Variants in PRPS1 observed in about 807,000 individuals in gnomAD.
PRPS1 encodes phosphoribosyl pyrophosphate synthetase 1.
In PRPS1, 1 loss-of-function variant was observed where a neutral mutation model predicts 16.9. The ratio of observed to expected loss-of-function variants is 0.06; its 90% confidence interval spans 0.02 to 0.28. The LOEUF (loss-of-function observed/expected upper bound fraction) is 0.28. Ranked by LOEUF, PRPS1 falls within the 10% of genes least tolerant of loss-of-function variation. PRPS1 has a pLI of 1.00. For missense variants in PRPS1, 47 were observed against 254.0 expected (o/e 0.19, Z 5.54); for synonymous variants, 70 against 90.2 (o/e 0.78, Z 1.27).
At chrX:107,642,842 G>A (rs1925605968) in intron 4 of PRPS1, among the ~76,000 whole-genome samples, 1 of 111,928 alleles carries the variant, frequency 8.9e-6, no homozygotes, top group South Asian at 3.7e-4. Flanking sequence ...CATATTGGTG[G>A]ACAAATTCGC....
intron 1 of PRPS1, 128 bp downstream of exon 1, chrX:107,628,878 G>A (rs1033302484): frequency 2.2e-5 from 21 of 958,887 alleles, no homozygotes; most frequent in Non-Finnish European, 2.8e-5. Context: ...TCTGTGACTA[G>A]CCTACCCCAC....
chrX:107,649,486 G>T (rs1371863265), intron 6 of PRPS1, among the ~76,000 whole-genome samples: 1 of 110,238 alleles, frequency 9.1e-6, no homozygotes, highest in South Asian at 3.8e-4. Flanking sequence ...ACAGAGTCTC[G>T]CTCTGTCACC....
At chrX:107,647,491 T>G in intron 5 of PRPS1, 115 bp from the exon 6 acceptor site, 2 of 855,841 alleles carry the variant, frequency 2.3e-6, no homozygotes, top group Non-Finnish European at 3.3e-6. Context: ...ATTTTTTTAT[T>G]TTTTTTCATA....
At chrX:107,637,108 A>C (rs754256062) in intron 1 of PRPS1, among the ~76,000 whole-genome samples, 1 of 112,531 alleles carries the variant, frequency 8.9e-6, no homozygotes, top group South Asian at 3.7e-4. Flanking sequence ...GATTTTTAAA[A>C]ATTTTTAAAT....
chrX:107,628,621 T>C lies in PRPS1; in HGVS notation c.-8T>C. On this transcript the variant is annotated 5_prime_UTR_variant, in exon 1 of 7. Transcript: ENST00000372435. ...CGCTTAGTGGAGTGCTTAGGGTAGT[T>C]GGCCAGGATGCCGAATATCAAAATC... The C allele has an allele frequency of 2.5e-6, 3 of 1,211,665 alleles. No individual in the cohort carries two copies. Among genetic ancestry groups the C allele is most frequent in the South Asian group, 1.8e-5 (1 of 57,003 alleles).
chrX:107,638,836 G>A (rs977173676), intron 1 of PRPS1, among the ~76,000 whole-genome samples: 2 of 111,108 alleles, frequency 1.8e-5, no homozygotes, highest in African/African-American at 6.5e-5. Flanking sequence ...GAGTTCCAGC[G>A]ATTCTCGTGC....
chrX:107,650,427 C>A lies in PRPS1; in HGVS notation c.*395C>A. On this transcript the variant is annotated 3_prime_UTR_variant, in exon 7 of 7. Transcript: ENST00000372435. ...AGCAACAAAGGCAACCCATGTGTGACCAGTTCTCCCCAAGGTCTATGCTAA... is the reference window on the plus strand; with the variant it reads ...AGCAACAAAGGCAACCCATGTGTGAACAGTTCTCCCCAAGGTCTATGCTAA... The A allele has an allele frequency of 2.6e-6, 1 of 380,230 alleles. No individual in the cohort carries two copies. The highest frequency in any genetic ancestry group is 4.8e-5 in the Admixed American group (1 of 20,783). The allele number at this position is 380,230 out of a possible 1,213,427, so 31.3% of individuals were successfully genotyped here. A position where few individuals can be genotyped will look rare whatever the true frequency, so the allele number is the denominator to read the frequency against.
rs1925760865 is a variant in PRPS1, at chrX:107,648,748, GT to G, written c.864+990del. Among the ~76,000 whole-genome samples, 3 of 109,382 alleles carry G rather than the reference GT, an allele frequency of 2.7e-5. No individual in the cohort carries two copies. In the South Asian group the frequency reaches 1.2e-3, roughly 42 times the overall value. The allele number at this position is 109,382 out of a possible 115,157, so 95.0% of individuals were successfully genotyped here. A position where few individuals can be genotyped will look rare whatever the true frequency, so the allele number is the denominator to read the frequency against. On this transcript the variant is annotated intron_variant, in intron 6 of 6. Transcript: ENST00000372435. Reference sequence around the variant, plus strand: ...TAGTCTTTTTTTTTTCCTTCATAAGGTTTTTTTGTTTGTTTGTTTTTTGTTT... The same window carrying G: ...TAGTCTTTTTTTTTTCCTTCATAAGGTTTTTTGTTTGTTTGTTTTTTGTTT...
intron 3 of PRPS1, among the ~76,000 whole-genome samples, chrX:107,641,508 A>C (rs1047861750): frequency 1.3e-4 from 15 of 111,183 alleles, no homozygotes; most frequent in African/African-American, 4.9e-4. Context: ...GGCACCTGAC[A>C]CCAGGCCCAG....
Position 107,633,084 on chromosome X carries a change from A to T in PRPS1, c.122+4334A>T, listed in dbSNP as rs182847765. Among the ~76,000 whole-genome samples, 46 of 111,814 alleles carry T rather than the reference A, an allele frequency of 4.1e-4. No homozygotes were observed. In the East Asian group the frequency reaches 0.011, roughly 27 times the overall value. On this transcript the variant is annotated intron_variant, in intron 1 of 6. Coordinates refer to ENST00000372435, the MANE Select transcript of PRPS1 (RefSeq NM_002764.4). ...ATAACCTTTTCAAGTTATTAGATAC[A>T]TGCCTTATAACAAACACCTTCTATG... is the stretch of plus-strand genomic sequence containing the variant.
chrX:107,640,763 G>A, intron 2 of PRPS1, 139 bp from the exon 3 acceptor site: 1 of 626,081 alleles, frequency 1.6e-6, no homozygotes, highest in East Asian at 3.3e-5. Flanking sequence ...AAAGTCAATG[G>A]ACATGTCTCC....
At chrX:107,639,574 G>GAT in intron 2 of PRPS1, 96 bp downstream of exon 2, 1 of 923,796 alleles carries the variant, frequency 1.1e-6, no homozygotes, top group Non-Finnish European at 1.5e-6. Flanking sequence ...TATTTAGGGG[G>GAT]AATTTTAAAA....
intron 5 of PRPS1, 21 bp from the exon 6 acceptor site, chrX:107,647,585 A>G (rs185838631): frequency 1.7e-6 from 2 of 1,208,752 alleles, no homozygotes; most frequent in African/African-American, 1.7e-5. Flanking sequence ...ATGAATCCAA[A>G]TCAACATTTT....
At chrX:107,648,218 T>C (rs936756591) in intron 6 of PRPS1, among the ~76,000 whole-genome samples, 5 of 111,918 alleles carry the variant, frequency 4.5e-5, no homozygotes, top group African/African-American at 1.3e-4. Flanking sequence ...AAGGTTCTTA[T>C]TAAAATGTAG....
Position 107,650,121 on chromosome X carries a change from G to A in PRPS1, c.*89G>A, listed in dbSNP as rs1468327602. On this transcript the variant is annotated 3_prime_UTR_variant, in exon 7 of 7. Coordinates refer to ENST00000372435, the MANE Select transcript of PRPS1 (RefSeq NM_002764.4). ...TGATGACAAATTCAGCAGAAGACCC[G>A]GCTTGCTCCAGTGTAGCTTTCTACA... 5.9e-6 allele frequency: 7 copies of A among 1,196,011 alleles called. No individual in the cohort carries two copies. The highest frequency in any genetic ancestry group is 3.5e-5 in the African/African-American group (2 of 56,718).
intron 6 of PRPS1, among the ~76,000 whole-genome samples, chrX:107,648,702 CTTAAGGA>C (rs1342152217): frequency 1.8e-5 from 2 of 110,708 alleles, no homozygotes; most frequent in Non-Finnish European, 3.8e-5. Flanking sequence ...TGATGTCATT[CTTAAGGA>C]TTTTTTTTCA....
intron 4 of PRPS1, among the ~76,000 whole-genome samples, chrX:107,643,406 G>T (rs1276886154): frequency 8.9e-6 from 1 of 111,822 alleles, no homozygotes; most frequent in Non-Finnish European, 1.9e-5. Context: ...TCTTTCTGTG[G>T]GACTTAGAAA....
intron 1 of PRPS1, among the ~76,000 whole-genome samples, chrX:107,634,296 G>A (rs778841095): frequency 1.1e-4 from 12 of 110,284 alleles, no homozygotes; most frequent in Admixed American, 2.9e-4. Flanking sequence ...TTCACTGCAA[G>A]CTCTGTCTCT....
intron 1 of PRPS1, 74 bp from the exon 2 acceptor site, chrX:107,639,221 G>A (rs1363303749): frequency 3.6e-6 from 4 of 1,097,523 alleles, no homozygotes; most frequent in Non-Finnish European, 5.0e-6. Flanking sequence ...CATAGATGTG[G>A]AACCTATGGA....
Sources: gnomAD v4.1 joint callset for allele counts (sites outside exome capture counted in the v4.1 genomes callset) on GRCh38, gnomAD v4.1.1 for gene constraint, MANE v1.5 for transcripts, NCBI Gene and HGNC (gene_info 2026-07-23, HGNC 2026-07-21) for gene names.